Variants in NAALADL2 observed in about 807,000 individuals in gnomAD.
NAALADL2 encodes N-acetylated alpha-linked acidic dipeptidase like 2, also known as inactive N-acetylated-alpha-linked acidic dipeptidase-like protein 2.
In NAALADL2, 76 loss-of-function variants were observed where a neutral mutation model predicts 87.2. That is an observed-to-expected ratio of 0.87 (90% CI 0.72 to 1.05). The LOEUF is 1.05. Ranked by LOEUF, NAALADL2 falls within the 50% of genes least tolerant of loss-of-function variation. The pLI is 0.00. For synonymous variants in NAALADL2, 354 were observed against 331.0 expected (o/e 1.07, Z -0.75); for missense variants, 1,089 against 945.8 (o/e 1.15, Z -1.99).
chr3:174,574,672 T>G lies in NAALADL2; in HGVS notation c.-115+24035T>G, dbSNP rs189442274. 3.0e-4 allele frequency among the ~76,000 whole-genome samples: 45 copies of G among 152,242 alleles called. 1 individual carries two copies. The highest frequency in any genetic ancestry group is 1.6e-3 in the Admixed American group (25 of 15,296). On this transcript the variant is annotated intron_variant, in intron 2 of 3. Coordinates refer to the NAALADL2 transcript ENST00000434257. The stretch of plus-strand genomic sequence containing the variant: ...ATCAATATATGAACATTTTCCTCAC[T>G]TCATTAAGTTTTCTTGTTCCTTCTT...
Position 175,718,673 on chromosome 3 carries a change from C to T in NAALADL2, c.1897-18633C>T, listed in dbSNP as rs918920936. ...CGAGCCCGTGGTGGCTGCCATCTTG[C>T]GTTTTCTTGTATTTTTATAGAGATG... On this transcript the variant is annotated intron_variant, in intron 11 of 13. Transcript: ENST00000454872. 7.1e-6 allele frequency: 11 copies of T among 1,558,576 alleles called. No individual in the cohort carries two copies. In the African/African-American group the frequency reaches 1.1e-4, roughly 15 times the overall value.
chr3:174,904,157 A>T (rs1224896357), intron 1 of NAALADL2, among the ~76,000 whole-genome samples: 11 of 151,644 alleles, frequency 7.3e-5, no homozygotes, highest in Admixed American at 7.2e-4. Flanking sequence ...TATACAATCC[A>T]CCTTATTTGG....
At chr3:174,836,712 A>T (rs1392119014) in intron 3 of NAALADL2, among the ~76,000 whole-genome samples, 1 of 144,472 alleles carries the variant, frequency 6.9e-6, no homozygotes, top group African/African-American at 2.8e-5. Flanking sequence ...CCGTCTCAAA[A>T]AAAAAAAAAA....
At chr3:175,363,062 A>G (rs1205707420) in intron 5 of NAALADL2, among the ~76,000 whole-genome samples, 2 of 146,260 alleles carry the variant, frequency 1.4e-5, no homozygotes, top group Admixed American at 7.0e-5. Context: ...ATCTTATTGT[A>G]TTATCTTGTT....
chr3:175,793,395 G>A (rs762807997), intron 13 of NAALADL2, among the ~76,000 whole-genome samples: 13 of 149,188 alleles, frequency 8.7e-5, no homozygotes, highest in Non-Finnish European at 1.6e-4. Flanking sequence ...CTGCAAGCTC[G>A]GCCACCCGTG....
rs140072944 is a variant in NAALADL2 at position 174,649,010 on chromosome 3, C to T, written c.-114-88631C>T. Among the ~76,000 whole-genome samples, 1,142 of 151,944 alleles carry T rather than the reference C, an allele frequency of 7.5e-3. 21 individuals carry two copies. The highest frequency in any genetic ancestry group is 0.026 in the African/African-American group (1,070 of 41,452). On this transcript the variant is annotated intron_variant, in intron 2 of 3. Coordinates refer to the NAALADL2 transcript ENST00000434257. ...GGAGTTGGAATTTCACTCTTATCGC[C>T]CAGGAAATGGTGCTACCTTGGCTCA...
chr3:174,836,841 A>G (rs1723392515), intron 3 of NAALADL2, among the ~76,000 whole-genome samples: 1 of 152,178 alleles, frequency 6.6e-6, no homozygotes. Flanking sequence ...CACTTCTGAC[A>G]CACAAAATTT....
chr3:175,001,970 T>C (rs1748294133), intron 1 of NAALADL2, among the ~76,000 whole-genome samples: 1 of 152,170 alleles, frequency 6.6e-6, no homozygotes, highest in African/African-American at 2.4e-5. Context: ...TCAGCTACAA[T>C]GTATCTTTTC....
chr3:174,772,536 A>G (rs545633253), intron 3 of NAALADL2, among the ~76,000 whole-genome samples: 23 of 152,310 alleles, frequency 1.5e-4, no homozygotes, highest in Admixed American at 1.4e-3. Flanking sequence ...GATTAAATAA[A>G]ATAAGCAGTT....
intron 10 of NAALADL2, among the ~76,000 whole-genome samples, chr3:175,576,764 A>G (rs1476595346): frequency 6.6e-6 from 1 of 152,186 alleles, no homozygotes. Context: ...ATTGTGTCTC[A>G]GGAAACTGTT....
chr3:174,868,645 GA>G (rs11294269), intron 1 of NAALADL2, among the ~76,000 whole-genome samples: 45,232 of 151,712 alleles, frequency 0.3, 6,733 homozygotes, highest in Admixed American at 0.34. Context: ...GAAAAATGAA[GA>G]GACTGTGAAA....
At chr3:174,719,357 G>A (rs1731495681) in intron 2 of NAALADL2, among the ~76,000 whole-genome samples, 1 of 151,882 alleles carries the variant, frequency 6.6e-6, no homozygotes, top group South Asian at 2.1e-4. Context: ...CCATATGCAG[G>A]TTTTCTTTTT....
chr3:174,608,509 C>T (rs1355854825), intron 2 of NAALADL2, among the ~76,000 whole-genome samples: 2 of 151,344 alleles, frequency 1.3e-5, no homozygotes, highest in Non-Finnish European at 3.0e-5. Context: ...GAAATACAAA[C>T]TACCATCAGA....
At chr3:175,181,743 A>ATGTG (rs369560276) in intron 2 of NAALADL2, among the ~76,000 whole-genome samples, 1 of 98,218 alleles carries the variant, frequency 1.0e-5, no homozygotes, top group Non-Finnish European at 2.1e-5. Context: ...ATGTGTATAT[A>ATGTG]TGTATATATA....
At chr3:175,630,203 T>C (rs1422902163) in intron 11 of NAALADL2, among the ~76,000 whole-genome samples, 1 of 151,822 alleles carries the variant, frequency 6.6e-6, no homozygotes, top group Admixed American at 6.6e-5. Flanking sequence ...AATTAATAGA[T>C]ACTTCATTTT....
At chr3:174,540,970 T>C (rs1578125714) in intron 1 of NAALADL2, among the ~76,000 whole-genome samples, 1 of 152,118 alleles carries the variant, frequency 6.6e-6, no homozygotes, top group South Asian at 2.1e-4. Flanking sequence ...AAGGGGAGAA[T>C]TAAAACGCTC....
rs138352038 is a variant in NAALADL2, at chr3:174,450,598, G to A, written c.-184+9566G>A. The stretch of plus-strand genomic sequence containing the variant: ...AAGACTGAGAGAGTCCAGGCTGGGC[G>A]CGGTGGCTATTGCCTGTAATCCCAG... On this transcript the variant is annotated intron_variant, in intron 1 of 3. Coordinates refer to the NAALADL2 transcript ENST00000434257. Among the ~76,000 whole-genome samples, 587 of 152,138 alleles carry A rather than the reference G, an allele frequency of 3.9e-3. 1 individual carries two copies. The highest frequency in any genetic ancestry group is 9.3e-3 in the African/African-American group (388 of 41,520).
intron 10 of NAALADL2, among the ~76,000 whole-genome samples, chr3:175,598,350 AT>A (rs371148260): frequency 2.1e-4 from 31 of 147,528 alleles, no homozygotes; most frequent in East Asian, 6.0e-4. Context: ...TAGCCCTAAG[AT>A]TTTTTTTTTT....
At chr3:175,568,807 T>A (rs9843843) in intron 9 of NAALADL2, among the ~76,000 whole-genome samples, 5,398 of 152,328 alleles carry the variant, frequency 0.035, 231 homozygotes, top group African/African-American at 0.094. Context: ...TATATAGGCT[T>A]TTTAAAATTA....
Sources: allele counts gnomAD v4.1 joint callset (sites outside exome capture counted in the v4.1 genomes callset), GRCh38; gene constraint gnomAD v4.1.1; transcripts MANE v1.5; gene names NCBI Gene and HGNC (gene_info 2026-07-23, HGNC 2026-07-21).